Variants in TRAF3IP2 observed in about 807,000 individuals in gnomAD.
The protein encoded by TRAF3IP2 is E3 ubiquitin ligase TRAF3IP2.
TRAF3IP2 carries 35 observed loss-of-function variants against 57.9 expected under a neutral mutation model. The observed-to-expected ratio is 0.60, with a 90% CI of 0.46 to 0.80. TRAF3IP2 has a LOEUF of 0.80. Ranked by LOEUF, TRAF3IP2 falls within the 30% of genes least tolerant of loss-of-function variation. The pLI is 0.00. For missense variants in TRAF3IP2, 556 were observed against 706.4 expected, an observed-to-expected ratio of 0.79 and a Z score of 2.41; for synonymous variants, 251 against 268.9, an observed-to-expected ratio of 0.93 and a Z score of 0.65.
At chr6:111,570,947 G>A (rs1795810102) in intron 5 of TRAF3IP2, among the ~76,000 whole-genome samples, 1 of 151,606 alleles carries the variant, frequency 6.6e-6, no homozygotes, top group Non-Finnish European at 1.5e-5. Context: ...TGTTGCCCAG[G>A]CTGGATTGGA....
chr6:111,569,710 C>G (rs926140385), intron 5 of TRAF3IP2, among the ~76,000 whole-genome samples: 1 of 152,156 alleles, frequency 6.6e-6, no homozygotes, highest in African/African-American at 2.4e-5. Flanking sequence ...GAGCCGAGAT[C>G]GTGCCACTGC....
At chr6:111,567,265 TC>T (rs1408308069) in intron 6 of TRAF3IP2, 2 of 1,028,820 alleles carry the variant, frequency 1.9e-6, no homozygotes, top group African/African-American at 3.4e-5. Flanking sequence ...GGAAACCTCT[TC>T]AGCCCAATTC....
intron 1 of TRAF3IP2, chr6:111,600,313 G>T (rs376576384): frequency 1.3e-5 from 2 of 152,152 alleles, no homozygotes; most frequent in Non-Finnish European, 2.9e-5. Flanking sequence ...TTTAACAAAC[G>T]TGTATATATG....
chr6:111,603,207 A>G (rs3777921), intron 1 of TRAF3IP2, among the ~76,000 whole-genome samples: 56,876 of 152,144 alleles, frequency 0.37, 12,155 homozygotes, highest in East Asian at 0.52. Flanking sequence ...GGCAAAGACC[A>G]TAAGTGGGAG....
intron 3 of TRAF3IP2, 131 bp downstream of exon 3, chr6:111,580,066 G>A (rs1796107720): frequency 4.8e-6 from 5 of 1,034,948 alleles, no homozygotes; most frequent in South Asian, 1.6e-5. Flanking sequence ...TCTATATTGG[G>A]CATTCCACTA....
intron 1 of TRAF3IP2, chr6:111,601,937 G>A (rs1431124628): frequency 6.6e-6 from 1 of 152,204 alleles, no homozygotes. Flanking sequence ...CTGGTTTGCT[G>A]AGTGGAAGGT....
At chr6:111,588,575 A>G (rs1202530044) in intron 2 of TRAF3IP2, among the ~76,000 whole-genome samples, 2 of 152,244 alleles carry the variant, frequency 1.3e-5, no homozygotes, top group African/African-American at 4.8e-5. Flanking sequence ...ACATTGAGTC[A>G]GTGCTTTTTT....
At chr6:111,576,930 T>A (rs921152943) in intron 3 of TRAF3IP2, 4 of 152,184 alleles carry the variant, frequency 2.6e-5, no homozygotes, top group Non-Finnish European at 5.9e-5. Flanking sequence ...AGATTGTTGC[T>A]TACGCTTTTC....
At chr6:111,577,214 C>CA (rs1285521919) in intron 3 of TRAF3IP2, 1 of 149,630 alleles carries the variant, frequency 6.7e-6, no homozygotes, top group Admixed American at 6.7e-5. Flanking sequence ...TCTCTTATAC[C>CA]AAAAAAATTG....
At chr6:111,560,983 A>G (rs1200603332) in intron 8 of TRAF3IP2, among the ~76,000 whole-genome samples, 1 of 152,154 alleles carries the variant, frequency 6.6e-6, no homozygotes, top group Admixed American at 6.5e-5. Context: ...GGAGTTCAAG[A>G]CCAGCCTGGC....
At chr6:111,596,799 A>G (rs944219325) in intron 1 of TRAF3IP2, among the ~76,000 whole-genome samples, 9 of 151,728 alleles carry the variant, frequency 5.9e-5, no homozygotes, top group African/African-American at 2.2e-4. Context: ...AGGTCTCACT[A>G]TGCTACCCAA....
At position 111,556,881 on chromosome 6, in the gene TRAF3IP2, C is replaced by CTT. The variant is rs771241886; in HGVS notation, c.*2522_*2523dup. On this transcript the variant is annotated 3_prime_UTR_variant, in exon 9 of 9. Coordinates refer to ENST00000368761, the MANE Select transcript of TRAF3IP2 (RefSeq NM_147686.4). ...GTGGCTCCCATCTGTAATCCTAGCA[C>CTT]TTTGGGAGGCCAAGGCAGGTGAATC... is the stretch of plus-strand genomic sequence containing the variant. 2 of 152,332 alleles carry CTT rather than the reference C, an allele frequency of 1.3e-5. No homozygotes were observed. The highest frequency in any genetic ancestry group is 1.5e-5 in the Non-Finnish European group (1 of 68,168). 9.4% of individuals were successfully genotyped at this position (152,332 alleles called of 1,614,324 possible).
At chr6:111,601,315 G>C in intron 1 of TRAF3IP2, 2 of 647,110 alleles carry the variant, frequency 3.1e-6, no homozygotes, top group Admixed American at 4.7e-5. Context: ...GGCTGCAGAG[G>C]CATCTTGATT....
At chr6:111,578,545 A>T (rs1016582261) in intron 3 of TRAF3IP2, among the ~76,000 whole-genome samples, 42 of 152,270 alleles carry the variant, frequency 2.8e-4, no homozygotes, top group Non-Finnish European at 1.6e-4. Flanking sequence ...TGGGAGGCTG[A>T]GGTTGGAAGA....
At chr6:111,564,737 T>C (rs888396797) in intron 7 of TRAF3IP2, among the ~76,000 whole-genome samples, 3 of 152,180 alleles carry the variant, frequency 2.0e-5, no homozygotes, top group Non-Finnish European at 2.9e-5. Flanking sequence ...TTGGTTCCAG[T>C]TGGTACAGTC....
chr6:111,590,228 T>A (rs1213434974), intron 2 of TRAF3IP2, among the ~76,000 whole-genome samples: 1 of 152,244 alleles, frequency 6.6e-6, no homozygotes. Flanking sequence ...GCTTAAATCC[T>A]GGGGAATTAT....
rs1168016497 is a variant in TRAF3IP2 at position 111,591,474 on chromosome 6, C to G, written c.613G>C (p.Asp205His). The G allele has an allele frequency of 1.2e-6, 2 of 1,603,162 alleles. No homozygotes were observed. The highest frequency in any genetic ancestry group is 1.7e-6 in the Non-Finnish European group (2 of 1,172,794). The stretch of plus-strand genomic sequence containing the variant: ...TCCAGCTGCCTGATGCCCAGGACAT[C>G]CTGGGGCTGGGAATCATATCCCGTG... ...IDTGYDSQPQ[D>H]VLGIRQLERP... is the part of the protein sequence containing the mutation. The change falls in exon 2 of 9, where the codon GAT becomes CAT. Residue 205 changes from aspartate (D) to histidine (H), a missense_variant. Asp to His is a moderately conservative substitution (Grantham distance 81). This residue lies in a region of TRAF3IP2 where 428 missense variants were observed against 498.7 expected (regional missense o/e 0.86). Transcript: ENST00000368761. The surrounding 1 kb of genome is among the most constrained non-coding windows in gnomAD (Gnocchi z 4.9).
intron 1 of TRAF3IP2, chr6:111,594,457 T>G (rs1318620206): frequency 2.2e-6 from 1 of 446,526 alleles, no homozygotes; most frequent in Non-Finnish European, 4.5e-6. Flanking sequence ...GTGAGTACCT[T>G]AGAAGCGCTT....
Position 111,591,806 on chromosome 6 carries a change from C to T in TRAF3IP2, c.281G>A (p.Ser94Asn), listed in dbSNP as rs61756667. Residue 94 changes from serine (S) to asparagine (N), a missense_variant, in exon 2 of 9, where the codon AGT becomes AAT. By Grantham distance (46) the Ser-to-Asn change is conservative. Transcript: ENST00000368761. The surrounding 1 kb of genome is among the most constrained non-coding windows in gnomAD (Gnocchi z 4.9). ...CAGGCCTGGGTGTCTCCTGCAGAAA[C>T]TGTCTTCACTGTCCTCCAGAACTTG... is the stretch of plus-strand genomic sequence containing the variant. ...RTQVLEDSED[S>N]FCRRHPGLGK... The T allele has an allele frequency of 1.3e-3, 2,090 of 1,614,266 alleles. 4 individuals are homozygous for T. The highest frequency in any genetic ancestry group is 3.0e-3 in the South Asian group (274 of 91,090).
Sources: gnomAD v4.1 joint callset for allele counts (sites outside exome capture counted in the v4.1 genomes callset) on GRCh38, gnomAD v4.1.1 for gene constraint, gnomAD v4.1.1 regional missense constraint, Gnocchi (gnomAD v3.1) non-coding constraint, MANE v1.5 for transcripts, NCBI Gene and HGNC (gene_info 2026-07-23, HGNC 2026-07-21) for gene names.